VPS13B: variants seen among roughly 807,000 people sequenced by gnomAD.
VPS13B encodes the protein vacuolar protein sorting 13 homolog B.
Under a neutral mutation model 426.4 loss-of-function variants are expected in VPS13B, and 285 were observed. The ratio of observed to expected loss-of-function variants is 0.67; its 90% CI spans 0.61 to 0.74. The LOEUF is 0.74. Among genes scored for constraint, VPS13B ranks in the 30% least tolerant of loss-of-function variants. The pLI is 0.00. For synonymous variants in VPS13B, 1,676 were observed against 1,676.4 expected (o/e 1.00, Z 0.01); for missense variants, 4,537 against 4,782.6 (o/e 0.95, Z 1.51).
At chr8:99,871,967 A>G (rs557106612) in intron 61 of VPS13B, among the ~76,000 whole-genome samples, 4 of 152,322 alleles carry the variant, frequency 2.6e-5, no homozygotes, top group East Asian at 1.9e-4. Context: ...CTAAGTAACC[A>G]AGCCAATTGA....
At chr8:99,161,364 G>C (rs1811639298) in intron 15 of VPS13B, among the ~76,000 whole-genome samples, 1 of 152,124 alleles carries the variant, frequency 6.6e-6, no homozygotes, top group South Asian at 2.1e-4. Context: ...TCAGCTTATA[G>C]ATAAATGAAG....
chr8:99,584,309 A>G (rs1483041804), intron 33 of VPS13B, among the ~76,000 whole-genome samples: 2 of 152,206 alleles, frequency 1.3e-5, no homozygotes, highest in Non-Finnish European at 2.9e-5. Flanking sequence ...GAGACAGGAA[A>G]ACACCACAGT....
At chr8:99,785,973 C>T (rs1002340090) in intron 43 of VPS13B, among the ~76,000 whole-genome samples, 2 of 152,156 alleles carry the variant, frequency 1.3e-5, no homozygotes, top group African/African-American at 2.4e-5. Flanking sequence ...AGGCCTTAGC[C>T]GGTAGAAAGC....
intron 29 of VPS13B, among the ~76,000 whole-genome samples, chr8:99,513,214 A>G (rs1369436578): frequency 1.3e-5 from 2 of 151,422 alleles, no homozygotes; most frequent in Non-Finnish European, 2.9e-5. Context: ...TCATTTTTCT[A>G]ACTTGAGTTC....
intron 16 of VPS13B, among the ~76,000 whole-genome samples, chr8:99,173,263 T>C (rs1189715229): frequency 6.6e-6 from 1 of 152,076 alleles, no homozygotes; most frequent in African/African-American, 2.4e-5. Context: ...ATTGATGTGG[T>C]GTGTGAAGGG....
Position 99,876,455 on chromosome 8 carries a change from T to A in VPS13B, c.*789T>A, listed in dbSNP as rs1000521299. The A allele has an allele frequency of 6.6e-6, 1 of 152,374 alleles. No homozygotes were observed. The highest frequency in any genetic ancestry group is 1.5e-5 in the Non-Finnish European group (1 of 68,152). 9.4% of individuals were successfully genotyped at this position (152,374 alleles called of 1,614,324 possible). ...CTAAGCAAACTTTGAGTAAATCCTT[T>A]GTCCTATATTGAATCCAGTCCCAAA... is the stretch of plus-strand genomic sequence containing the variant. On this transcript the variant is annotated 3_prime_UTR_variant, in exon 62 of 62. Transcript: ENST00000357162.
At position 99,444,822 on chromosome 8, in the gene VPS13B, CCTGT is replaced by C. The variant is rs949794721; in HGVS notation, c.3445+2190_3445+2193del. Among the ~76,000 whole-genome samples the C allele has an allele frequency of 4.2e-4, 64 of 152,196 alleles. 1 individual carries two copies. The highest frequency in any genetic ancestry group is 8.5e-4 in the Non-Finnish European group (58 of 68,000). On this transcript the variant is annotated intron_variant, in intron 23 of 61. Transcript: ENST00000357162. Reference sequence around the variant, plus strand: ...GGGACTACAGGCACACACTACCATGCCTGTCTAATTTTTTAATTTTTGTAGAGGT... The same window carrying C: ...GGGACTACAGGCACACACTACCATGCCTAATTTTTTAATTTTTGTAGAGGT...
At chr8:99,314,891 G>A (rs974503657) in intron 19 of VPS13B, among the ~76,000 whole-genome samples, 39 of 152,086 alleles carry the variant, frequency 2.6e-4, no homozygotes, top group African/African-American at 9.2e-4. Flanking sequence ...CCTTCTTTGT[G>A]TCTTTTTACT....
At chr8:99,688,009 C>T (rs1024022440) in intron 35 of VPS13B, among the ~76,000 whole-genome samples, 2 of 151,396 alleles carry the variant, frequency 1.3e-5, no homozygotes, top group African/African-American at 2.4e-5. Context: ...AGAAAGGGTA[C>T]ATTAGATAAA....
At chr8:99,117,237 C>T (rs1405989820) in intron 7 of VPS13B, among the ~76,000 whole-genome samples, 1 of 152,044 alleles carries the variant, frequency 6.6e-6, no homozygotes, top group African/African-American at 2.4e-5. Context: ...ATCAAAACCT[C>T]AGTGAGATAC....
At chr8:99,264,271 G>T (rs1179746240) in intron 17 of VPS13B, among the ~76,000 whole-genome samples, 2 of 151,308 alleles carry the variant, frequency 1.3e-5, no homozygotes, top group African/African-American at 4.9e-5. Flanking sequence ...CTACTGTAGA[G>T]ATGTCTTGAA....
chr8:99,614,909 GGA>G (rs1488375389), intron 33 of VPS13B, among the ~76,000 whole-genome samples: 1 of 151,814 alleles, frequency 6.6e-6, no homozygotes, highest in African/African-American at 2.4e-5. Context: ...CCTGAGGTTG[GGA>G]GTTCGAGACC....
chr8:99,322,334 A>G lies in VPS13B; in HGVS notation c.2824+47080A>G, dbSNP rs75296758. On this transcript the variant is annotated intron_variant, in intron 19 of 61. Coordinates refer to ENST00000357162, the MANE Select transcript of VPS13B (RefSeq NM_152564.5). ...TGAATTGCTAGATTTAGGCTTTACT[A>G]GATCACTAATATTTTCACTTAATTA... Among the ~76,000 whole-genome samples, 148 of 152,290 alleles carry G rather than the reference A, an allele frequency of 9.7e-4. 1 individual carries two copies. In the East Asian group the frequency reaches 0.025, roughly 26 times the overall value.
chr8:99,206,955 C>T lies in VPS13B; in HGVS notation c.2515+13898C>T, dbSNP rs146234383. Among the ~76,000 whole-genome samples the T allele has an allele frequency of 3.7e-3, 556 of 151,510 alleles. 3 individuals are homozygous for T. Among genetic ancestry groups the T allele is most frequent in the Non-Finnish European group, 5.5e-3 (373 of 67,848 alleles). On this transcript the variant is annotated intron_variant, in intron 17 of 61. Coordinates refer to ENST00000357162, the MANE Select transcript of VPS13B (RefSeq NM_152564.5). ...GGCATTGGCTATACATTTATTCTTG[C>T]GTAAAAAAAAATGAATTGAGTTAGA...
intron 43 of VPS13B, among the ~76,000 whole-genome samples, chr8:99,807,753 A>G (rs960364939): frequency 6.6e-6 from 1 of 151,576 alleles, no homozygotes; most frequent in Admixed American, 6.6e-5. Context: ...GAAGTCACCT[A>G]ACTGATAGCA....
intron 33 of VPS13B, among the ~76,000 whole-genome samples, chr8:99,606,624 C>CTTTTTTTTTTTTTTTT: frequency 1.5e-5 from 2 of 137,238 alleles, no homozygotes; most frequent in Non-Finnish European, 3.1e-5. Context: ...TTTTCTTTTT[C>CTTTTTTTTTTTTTTTT]TTTTCTTTTT....
chr8:99,460,464 A>G (rs1003964068), intron 23 of VPS13B, among the ~76,000 whole-genome samples: 1 of 152,188 alleles, frequency 6.6e-6, no homozygotes, highest in African/African-American at 2.4e-5. Flanking sequence ...TATATTCAGT[A>G]GCATTTTCAA....
intron 47 of VPS13B, 26 bp downstream of exon 47, chr8:99,818,914 T>G: frequency 1.2e-6 from 2 of 1,610,904 alleles, no homozygotes; most frequent in South Asian, 2.2e-5. Flanking sequence ...TTCCATACAT[T>G]TTACATTTTC....
chr8:99,710,259 C>T (rs1038119050), intron 36 of VPS13B, among the ~76,000 whole-genome samples: 6 of 152,130 alleles, frequency 3.9e-5, no homozygotes, highest in Non-Finnish European at 5.9e-5. Context: ...AGGCCTTTTC[C>T]AATGTTCCAT....
Sources: gnomAD v4.1 joint callset for allele counts (sites outside exome capture counted in the v4.1 genomes callset) on GRCh38, gnomAD v4.1.1 for gene constraint, MANE v1.5 for transcripts, NCBI Gene and HGNC (gene_info 2026-07-23, HGNC 2026-07-21) for gene names.